The following MROH7 variants were observed in gnomAD, a reference collection of about 807,000 sequenced individuals.
MROH7 encodes the protein maestro heat-like repeat-containing protein family member 7.
A neutral mutation model predicts 129.2 loss-of-function variants in MROH7; 113 were observed. That is an observed-to-expected ratio of 0.87 (90% confidence interval 0.75 to 1.02). The LOEUF is 1.02. MROH7 is among the 50% of genes least tolerant of loss of function. The pLI, the probability that MROH7 is intolerant of heterozygous loss-of-function variation, is 0.00. For synonymous variants in MROH7, 655 were observed against 667.9 expected, an observed-to-expected ratio of 0.98 and a Z score of 0.30; for missense variants, 1,601 against 1,671.3, an observed-to-expected ratio of 0.96 and a Z score of 0.73.
chr1:54,650,239 G>A (rs1247856915), intron 1 of MROH7, among the ~76,000 whole-genome samples: 1 of 152,208 alleles, frequency 6.6e-6, no homozygotes, highest in Non-Finnish European at 1.5e-5. Context: ...AGGGCCAGAG[G>A]GGAAAAGTCT....
At chr1:54,658,344 C>G (rs1054598389) in intron 3 of MROH7, among the ~76,000 whole-genome samples, 1 of 152,016 alleles carries the variant, frequency 6.6e-6, no homozygotes. Flanking sequence ...TATGTCTGTC[C>G]TTATGCCAGT....
At position 54,710,120 on chromosome 1, in the gene MROH7, C is replaced by G. The variant is rs1236613528; in HGVS notation, c.3905C>G (p.Thr1302Ser). 1 of 1,613,994 alleles carries G rather than the reference C, an allele frequency of 6.2e-7. No homozygotes were observed. The highest frequency in any genetic ancestry group is 2.2e-5 in the East Asian group (1 of 44,878). ...AGCCCCAGCTGTGAGAACCTGCCCA[C>G]TTCCCACCAGCGGCGCTCCTGGATC... Reference protein sequence around the residue: ...RWSPSCENLPTSHQRRSWIMQ... With the variant: ...RWSPSCENLPSSHQRRSWIMQ... Residue 1302 changes from threonine (T) to serine (S), a missense_variant, in exon 24 of 24, where the codon ACT (threonine) becomes AGT (serine). Transcript: ENST00000421030.
At chr1:54,702,275 C>T (rs772090883) in intron 20 of MROH7, 30 bp downstream of exon 20, 4 of 1,400,504 alleles carry the variant, frequency 2.9e-6, no homozygotes, top group East Asian at 2.8e-5. Flanking sequence ...GCACCCTCTA[C>T]CCCTCCCTCG....
intron 10 of MROH7, among the ~76,000 whole-genome samples, chr1:54,677,750 C>T (rs1352414537): frequency 6.6e-6 from 1 of 152,178 alleles, no homozygotes; most frequent in Non-Finnish European, 1.5e-5. Context: ...GGAAGTGCGC[C>T]TGAAATGTGC....
At chr1:54,645,032 A>G in intron 1 of MROH7, among the ~76,000 whole-genome samples, 1 of 145,270 alleles carries the variant, frequency 6.9e-6, no homozygotes, top group African/African-American at 2.6e-5. Flanking sequence ...CTGGTCTTGA[A>G]CTCCTGGCAT....
intron 15 of MROH7, among the ~76,000 whole-genome samples, chr1:54,687,366 C>T (rs887825843): frequency 6.6e-6 from 1 of 152,230 alleles, no homozygotes; most frequent in Non-Finnish European, 1.5e-5. Context: ...TGAGCCACTG[C>T]ACCCGGCTGA....
At chr1:54,693,860 G>A (rs1016848328) in intron 16 of MROH7, among the ~76,000 whole-genome samples, 4 of 152,178 alleles carry the variant, frequency 2.6e-5, no homozygotes, top group South Asian at 2.1e-4. Context: ...AATCCTCACC[G>A]TGACTGATGA....
At chr1:54,673,515 CCTATAGT>C (rs1270253046) in intron 8 of MROH7, among the ~76,000 whole-genome samples, 179 bp from the exon 9 acceptor site, 1 of 152,152 alleles carries the variant, frequency 6.6e-6, no homozygotes, top group African/African-American at 2.4e-5. Flanking sequence ...TTCCTTCTTC[CCTATAGT>C]CTGTCAGTCC....
At chr1:54,687,414 A>G (rs1284359444) in intron 15 of MROH7, among the ~76,000 whole-genome samples, 2 of 152,202 alleles carry the variant, frequency 1.3e-5, no homozygotes, top group Non-Finnish European at 2.9e-5. Flanking sequence ...TAGTATCTCT[A>G]TGTATAGGAT....
chr1:54,697,766 G>T (rs777618195), intron 17 of MROH7: 3 of 674,280 alleles, frequency 4.4e-6, no homozygotes, highest in Non-Finnish European at 8.1e-6. Flanking sequence ...TGCCTGACAC[G>T]GTCCTCTACT....
chr1:54,652,796 C>G (rs1644577042), intron 2 of MROH7, 57 bp from the exon 3 acceptor site: 1 of 1,250,258 alleles, frequency 8.0e-7, no homozygotes, highest in Admixed American at 2.4e-5. Flanking sequence ...TAGTGGGAGC[C>G]CTGGAAAAGC....
rs1645451408 is a variant in MROH7, at chr1:54,702,252, G to A, written c.3441+7G>A. The A allele has an allele frequency of 6.6e-7, 1 of 1,506,098 alleles. No homozygotes were observed. The highest frequency in any genetic ancestry group is 2.2e-5 in the Admixed American group (1 of 46,038). The allele number at this position is 1,506,098 out of a possible 1,614,324, so 93.3% of individuals were successfully genotyped here. ...CAACTCCAAGGTAAGCCAGGTGAGT[G>A]TGCGTGGGCCCTGCACCCTCTACCC... On this transcript the variant is annotated splice_region_variant and intron_variant, in intron 20 of 23. Transcript: ENST00000421030.
At chr1:54,644,783 C>T (rs1401413775) in intron 1 of MROH7, among the ~76,000 whole-genome samples, 1 of 151,208 alleles carries the variant, frequency 6.6e-6, no homozygotes, top group Non-Finnish European at 1.5e-5. Context: ...GCATCAGCCA[C>T]CATGTCCAGC....
chr1:54,709,880 T>G, intron 23 of MROH7, 66 bp from the exon 24 acceptor site: 1 of 1,560,952 alleles, frequency 6.4e-7, no homozygotes, highest in South Asian at 1.2e-5. Context: ...ATGGGAAGGA[T>G]TAGGTATGAG....
intron 16 of MROH7, 121 bp from the exon 17 acceptor site, chr1:54,695,255 G>GT: frequency 1.6e-6 from 1 of 625,386 alleles, no homozygotes; most frequent in Non-Finnish European, 2.9e-6. Flanking sequence ...AAAATCCTGG[G>GT]AACGCAGGAA....
At position 54,680,583 on chromosome 1, in the gene MROH7, C is replaced by T. The variant is rs183678841; in HGVS notation, c.2381+538C>T. Among the ~76,000 whole-genome samples the T allele has an allele frequency of 4.6e-5, 7 of 152,290 alleles. No homozygotes were observed. The East Asian group carries it at 7.7e-4, about 17-fold the overall frequency. On this transcript the variant is annotated intron_variant, in intron 13 of 23. Coordinates refer to ENST00000421030, the MANE Select transcript of MROH7 (RefSeq NM_001039464.4). ...GTGCCTGCTCAGGCCTGGGCCCGTG[C>T]GGAAGGGTGCTCCAAGCTCACTGTC...
At chr1:54,684,985 G>A (rs925573486) in intron 14 of MROH7, among the ~76,000 whole-genome samples, 1 of 151,924 alleles carries the variant, frequency 6.6e-6, no homozygotes, top group African/African-American at 2.4e-5. Context: ...CTTTCCTCTT[G>A]GCCCAGATGC....
intron 17 of MROH7, chr1:54,699,595 G>A (rs12566459): frequency 0.2 from 31,545 of 154,512 alleles, 3,362 homozygotes; most frequent in South Asian, 0.22. Flanking sequence ...CACCGTGCCC[G>A]GCCCAAGCCA....
rs556392919 is a variant in MROH7, at chr1:54,703,723, G to A, written c.3564+978G>A. On this transcript the variant is annotated intron_variant, in intron 21 of 23. Coordinates refer to ENST00000421030, the MANE Select transcript of MROH7 (RefSeq NM_001039464.4). This position sits in a 1 kb window ranked among gnomAD's most constrained non-coding sequence, Gnocchi z 4.4. ...ATGTCATTTGGGAGGATTTGCCCGCGGTCTCAATCTACCTTCCCTGTTGTT... is the reference window on the plus strand; with the variant it reads ...ATGTCATTTGGGAGGATTTGCCCGCAGTCTCAATCTACCTTCCCTGTTGTT... Among the ~76,000 whole-genome samples the A allele has an allele frequency of 7.9e-5, 12 of 152,104 alleles. No homozygotes were observed. The East Asian group carries it at 1.2e-3, about 15-fold the overall frequency.
Sources: gnomAD v4.1 joint callset for allele counts (sites outside exome capture counted in the v4.1 genomes callset) on GRCh38, gnomAD v4.1.1 for gene constraint, Gnocchi (gnomAD v3.1) non-coding constraint, MANE v1.5 for transcripts, NCBI Gene and HGNC (gene_info 2026-07-23, HGNC 2026-07-21) for gene names.